Variants in GLS2 observed in about 807,000 individuals in gnomAD.
GLS2 encodes glutaminase liver isoform, mitochondrial.
In GLS2, 52 loss-of-function variants were observed where a neutral mutation model predicts 79.0. The observed-to-expected ratio is 0.66, with a 90% confidence interval of 0.53 to 0.83. GLS2 has a LOEUF of 0.83. GLS2 is among the 40% of genes least tolerant of loss of function. GLS2 has a pLI of 0.00. For missense variants in GLS2, 561 were observed against 764.8 expected, an observed-to-expected ratio of 0.73 and a Z score of 3.14; for synonymous variants, 238 against 280.8, an observed-to-expected ratio of 0.85 and a Z score of 1.52.
intron 16 of GLS2, 23 bp downstream of exon 16, chr12:56,472,096 T>TC: frequency 6.2e-7 from 1 of 1,611,436 alleles, no homozygotes; most frequent in Non-Finnish European, 8.5e-7. Flanking sequence ...ACCCTCCTCC[T>TC]CCCCTCCTTA....
At chr12:56,483,070 T>A (rs953234922) in intron 1 of GLS2, among the ~76,000 whole-genome samples, 1 of 151,838 alleles carries the variant, frequency 6.6e-6, no homozygotes, top group African/African-American at 2.4e-5. Context: ...TTTTTTCTTT[T>A]TTCTTTTTCT....
At chr12:56,472,274 C>A (rs1869353307) in intron 15 of GLS2, 79 bp from the exon 16 acceptor site, 7 of 1,314,062 alleles carry the variant, frequency 5.3e-6, no homozygotes, top group Non-Finnish European at 7.7e-6. Context: ...TGGTGTCAGA[C>A]TGGATGAGTT....
chr12:56,473,529 T>G lies in GLS2; in HGVS notation c.1290A>C (p.Gly430=). The G allele has an allele frequency of 2.5e-6, 4 of 1,613,680 alleles. No homozygotes were observed. Among genetic ancestry groups the G allele is most frequent in the Non-Finnish European group, 3.4e-6 (4 of 1,180,022 alleles). ...AILLVVPNVM[G]MMCLSPPLDK... is the part of the protein sequence containing the mutation. ...CCAATGGGGGTGACAGGCACATCAT[T>G]CCCATGACATTGGGTACCACCAGGA... The change falls in exon 13 of 18, where the codon GGA becomes GGC. Residue 430 remains glycine (G), a synonymous_variant. Coordinates refer to ENST00000311966, the MANE Select transcript of GLS2 (RefSeq NM_013267.4).
intron 7 of GLS2, chr12:56,476,590 ATTTTTT>A (rs761969192): frequency 2.4e-5 from 3 of 125,978 alleles, no homozygotes; most frequent in Non-Finnish European, 3.4e-5. Flanking sequence ...CCCTGCCTCA[ATTTTTT>A]TTTTTTTTTT....
In GLS2 at chr12:56,474,628, C is replaced by T. The variant is rs377149789; in HGVS notation, c.1140G>A (p.Val380=). 1.9e-6 allele frequency: 3 copies of T among 1,614,192 alleles called. No individual in the cohort carries two copies. Among genetic ancestry groups the T allele is most frequent in the Non-Finnish European group, 2.5e-6 (3 of 1,180,028 alleles). ...GGICPITGES[V]LSAEAVRNTL... The stretch of plus-strand genomic sequence containing the variant: ...TGTTGCGCACTGCTTCAGCACTCAG[C>T]ACACTCTCGCCTGTGATGGGGCAGA... Residue 380 remains valine, a synonymous_variant, in exon 12 of 18, where the codon GTG becomes GTA. Coordinates refer to ENST00000311966, the MANE Select transcript of GLS2 (RefSeq NM_013267.4).
chr12:56,472,392 C>T, intron 15 of GLS2, 197 bp from the exon 16 acceptor site: 1 of 614,206 alleles, frequency 1.6e-6, no homozygotes, highest in South Asian at 2.0e-5. Context: ...GGAATGTGAT[C>T]CTTCCAGAAA....
Position 56,471,809 on chromosome 12 carries a change from A to G in GLS2, c.1616T>C (p.Ile539Thr), listed in dbSNP as rs1214427991. ...AAAAGGATTCACTTTGCAAGCCTCG[A>G]TCAGGAATTTAACAACTTCGATGTG... ...EGHIEVVKFLIEACKVNPFAK... is the reference protein window; with the variant it reads ...EGHIEVVKFLTEACKVNPFAK... The change falls in exon 17 of 18, where the codon ATC becomes ACC. Residue 539 changes from isoleucine to threonine, a missense_variant. Transcript: ENST00000311966. 1 of 1,614,090 alleles carries G rather than the reference A, an allele frequency of 6.2e-7. No homozygotes were observed. The highest frequency in any genetic ancestry group is 1.1e-5 in the South Asian group (1 of 91,066).
At chr12:56,475,601 C>G in intron 9 of GLS2, 23 bp downstream of exon 9, 1 of 1,611,866 alleles carries the variant, frequency 6.2e-7, no homozygotes, top group Non-Finnish European at 8.5e-7. Flanking sequence ...TGCTTTCAGT[C>G]AGTCCTCTGA....
At chr12:56,479,405 GA>G (rs71446556) in intron 3 of GLS2, 17 of 489,178 alleles carry the variant, frequency 3.5e-5, no homozygotes, top group Middle Eastern at 5.4e-4. Context: ...TGGGATATGA[GA>G]AAAAAAATAA....
In GLS2 at chr12:56,478,078, T is replaced by C. The variant is rs1869979587; in HGVS notation, c.633A>G (p.Thr211=). ...VDGQRHSVGH[T]KIPFCLQSCV... is the part of the protein sequence containing the mutation. ...AGGACTGCAGGCAGAAGGGGATCTT[T>C]GTGTGGCCCACAGAGTGCCTGGAGG... The change falls in exon 6 of 18, where the codon ACA becomes ACG. Residue 211 remains threonine (T), a synonymous_variant. Coordinates refer to ENST00000311966, the MANE Select transcript of GLS2 (RefSeq NM_013267.4). The C allele has an allele frequency of 1.2e-6, 2 of 1,614,098 alleles. No homozygotes were observed. Among genetic ancestry groups the C allele is most frequent in the East Asian group, 2.2e-5 (1 of 44,882 alleles).
At position 56,471,442 on chromosome 12, in the gene GLS2, C is replaced by A; in HGVS notation, c.*45G>T. The A allele has an allele frequency of 6.4e-7, 1 of 1,567,490 alleles. No individual in the cohort carries two copies. On this transcript the variant is annotated 3_prime_UTR_variant, in exon 18 of 18. Coordinates refer to ENST00000311966, the MANE Select transcript of GLS2 (RefSeq NM_013267.4). ...TGGTGGTTATGGATTACATGTGTGG[C>A]CAGCTCATGCTTTTTCTTGAGCAGG...
chr12:56,482,945 G>A (rs571897149), intron 1 of GLS2, among the ~76,000 whole-genome samples: 4 of 152,020 alleles, frequency 2.6e-5, no homozygotes, highest in East Asian at 3.9e-4. Context: ...AGCTAGTTGC[G>A]ATTAAGACCC....
Position 56,473,385 on chromosome 12 carries a change from T to C in GLS2, c.1357-65A>G, listed in dbSNP as rs896864320. Reference sequence around the variant, plus strand: ...ACACTTAGTAGGAGCTCAAAATTGCTTTATTATAGTAAAAGTGGTACCATT... The same window carrying C: ...ACACTTAGTAGGAGCTCAAAATTGCCTTATTATAGTAAAAGTGGTACCATT... On this transcript the variant is annotated intron_variant, in intron 13 of 17. Coordinates refer to ENST00000311966, the MANE Select transcript of GLS2 (RefSeq NM_013267.4). 3.7e-6 allele frequency: 6 copies of C among 1,604,684 alleles called. No individual in the cohort carries two copies. In the African/African-American group the frequency reaches 4.0e-5, roughly 11 times the overall value.
chr12:56,474,847 T>G lies in GLS2; in HGVS notation c.1046A>C (p.Gln349Pro). The G allele has an allele frequency of 6.2e-7, 1 of 1,614,186 alleles. No homozygotes were observed. The highest frequency in any genetic ancestry group is 8.5e-7 in the Non-Finnish European group (1 of 1,180,036). ...CGGCCCTGAGCAGTGTTTTCTTACC[T>G]GGAAGTAGAGATCAAGGGCAGCCAT... ...DMMAALDLYF[Q>P]LCSVEVTCES... Residue 349 changes from glutamine to proline, a missense_variant and splice_region_variant, in exon 11 of 18, where the codon CAG becomes CCG. Physicochemically the swap from Gln to Pro is moderately conservative, Grantham distance 76 (BLOSUM62 -1). Coordinates refer to ENST00000311966, the MANE Select transcript of GLS2 (RefSeq NM_013267.4).
intron 1 of GLS2, 45 bp downstream of exon 1, chr12:56,487,892 G>T (rs763639883): frequency 6.4e-7 from 1 of 1,572,696 alleles, no homozygotes; most frequent in Non-Finnish European, 8.6e-7. Flanking sequence ...AACCACAGTG[G>T]GAGTGGGGGC....
At position 56,488,085 on chromosome 12, in the gene GLS2, T is replaced by TCAGGGCCTTCTG. The variant is rs753470107; in HGVS notation, c.22_33dup (p.Gln8_Leu11dup). 10 of 1,568,576 alleles carry TCAGGGCCTTCTG rather than the reference T, an allele frequency of 6.4e-6. No individual in the cohort carries two copies. The highest frequency in any genetic ancestry group is 8.6e-6 in the Non-Finnish European group (10 of 1,164,196). Reference sequence around the variant, plus strand: ...CGCCCGCAGTGACTGCCAGCCCGGCTCAGGGCCTTCTGCAGAGCCTTCATG... The same window carrying TCAGGGCCTTCTG: ...CGCCCGCAGTGACTGCCAGCCCGGCTCAGGGCCTTCTGCAGGGCCTTCTGCAGAGCCTTCATG... On this transcript the variant is annotated inframe_insertion, in exon 1 of 18. Transcript: ENST00000311966.
chr12:56,485,165 TATAC>T (rs1323670649), intron 1 of GLS2, among the ~76,000 whole-genome samples: 1 of 152,192 alleles, frequency 6.6e-6, no homozygotes, highest in African/African-American at 2.4e-5. Flanking sequence ...TTAAATTACA[TATAC>T]ATATATAGGA....
chr12:56,471,715 C>T (rs1230558243), intron 17 of GLS2, 58 bp downstream of exon 17: 86 of 1,610,904 alleles, frequency 5.3e-5, no homozygotes, highest in Admixed American at 1.3e-4. Flanking sequence ...TGCATGGTGG[C>T]TGGAGGGTAG....
At chr12:56,484,698 C>A (rs1049283440) in intron 1 of GLS2, among the ~76,000 whole-genome samples, 4 of 152,150 alleles carry the variant, frequency 2.6e-5, no homozygotes, top group Non-Finnish European at 5.9e-5. Context: ...CTGAATGTAT[C>A]ACAAGCCTAA....
Sources: allele counts gnomAD v4.1 joint callset (sites outside exome capture counted in the v4.1 genomes callset), GRCh38; gene constraint gnomAD v4.1.1; transcripts MANE v1.5; gene names NCBI Gene and HGNC (gene_info 2026-07-23, HGNC 2026-07-21).